CDC42BPB: variants seen among roughly 807,000 people sequenced by gnomAD.
The protein encoded by CDC42BPB is CDC42 binding protein kinase beta, also known as serine/threonine-protein kinase MRCK beta.
Under a neutral mutation model 214.9 loss-of-function variants are expected in CDC42BPB, and 37 were observed. The ratio of observed to expected loss-of-function variants is 0.17; its 90% CI spans 0.13 to 0.23. The LOEUF is 0.23. Among genes scored for constraint, CDC42BPB ranks in the 10% least tolerant of loss-of-function variants. The probability of loss-of-function intolerance (pLI) is 1.00; values close to 1 mark genes in which losing one functional copy is unlikely to be tolerated. For synonymous variants in CDC42BPB, 931 were observed against 884.0 expected (o/e 1.05, Z -0.94); for missense variants, 1,694 against 2,227.0 (o/e 0.76, Z 4.82).
chr14:102,973,777 G>A lies in CDC42BPB; in HGVS notation c.1641+239C>T, dbSNP rs2139483070. ...ATTGCGAGGTGGATAACCGCTGGGGGCAAGGGGGTGGAAGGCACCTGCCAC... is the reference window on the plus strand; with the variant it reads ...ATTGCGAGGTGGATAACCGCTGGGGACAAGGGGGTGGAAGGCACCTGCCAC... On this transcript the variant is annotated intron_variant, in intron 12 of 36. Coordinates refer to ENST00000361246, the MANE Select transcript of CDC42BPB (RefSeq NM_006035.4). Among the ~76,000 whole-genome samples the A allele has an allele frequency of 2.0e-5, 3 of 152,350 alleles. No homozygotes were observed. In the South Asian group the frequency reaches 6.2e-4, roughly 32 times the overall value.
chr14:102,945,554 T>A, intron 29 of CDC42BPB, 108 bp downstream of exon 29: 1 of 1,002,692 alleles, frequency 1.0e-6, no homozygotes, highest in Non-Finnish European at 1.5e-6. Context: ...TCCGGCGCCT[T>A]CATCAAGCGC....
chr14:102,975,350 C>A (rs34131889), intron 11 of CDC42BPB, among the ~76,000 whole-genome samples: 5,386 of 152,242 alleles, frequency 0.035, 300 homozygotes, highest in African/African-American at 0.12. Flanking sequence ...ATGGTGAAAC[C>A]CTGTCTCTAC....
rs1036373682 is a variant in CDC42BPB, at chr14:102,940,422, A to G, written c.4409-98T>C. On this transcript the variant is annotated intron_variant, in intron 30 of 36. Coordinates refer to ENST00000361246, the MANE Select transcript of CDC42BPB (RefSeq NM_006035.4). ...AGCCTTGGCACTTGAACAAGTGCAGAGGCGGCAGCACTGCCCTCAGCTGGT... is the reference window on the plus strand; with the variant it reads ...AGCCTTGGCACTTGAACAAGTGCAGGGGCGGCAGCACTGCCCTCAGCTGGT... 9 of 1,532,764 alleles carry G rather than the reference A, an allele frequency of 5.9e-6. No homozygotes were observed. In the South Asian group the frequency reaches 9.6e-5, roughly 16 times the overall value. 94.9% of individuals were successfully genotyped at this position (1,532,764 alleles called of 1,614,324 possible).
chr14:102,944,252 T>C lies in CDC42BPB; in HGVS notation c.4047A>G (p.Lys1349=), dbSNP rs1015220671. Residue 1349 remains lysine, a synonymous_variant, in exon 30 of 37, where the codon AAA becomes AAG. Transcript: ENST00000361246. The surrounding 1 kb of genome is among the most constrained non-coding windows in gnomAD (Gnocchi z 6.6). ...NSGTCLFVAV[K]RLILCYEIQR... ...GGATCTCATAGCAAAGGATCAGCCG[T>C]TTCACGGCCACAAACAGGCAGGTGC... is the stretch of plus-strand genomic sequence containing the variant. 1.2e-6 allele frequency: 2 copies of C among 1,613,266 alleles called. No homozygotes were observed. The highest frequency in any genetic ancestry group is 3.3e-5 in the Admixed American group (2 of 60,028).
chr14:102,948,859 AG>A (rs1892344254), intron 26 of CDC42BPB, among the ~76,000 whole-genome samples: 1 of 151,994 alleles, frequency 6.6e-6, no homozygotes, highest in Admixed American at 6.5e-5. Context: ...CTTCACCACC[AG>A]GCCAGGGGCA....
chr14:103,029,345 T>A (rs919117260), intron 1 of CDC42BPB, among the ~76,000 whole-genome samples: 3 of 151,776 alleles, frequency 2.0e-5, no homozygotes. Flanking sequence ...ATCGAAACCA[T>A]CCTGGCTAAC....
At chr14:103,035,712 C>T (rs1378703469) in intron 1 of CDC42BPB, among the ~76,000 whole-genome samples, 5 of 151,912 alleles carry the variant, frequency 3.3e-5, no homozygotes, top group South Asian at 2.1e-4. Context: ...TGGTGGCGGG[C>T]GCCTGTAGTC....
chr14:103,010,517 G>A (rs1439652394), intron 2 of CDC42BPB, among the ~76,000 whole-genome samples: 4 of 152,174 alleles, frequency 2.6e-5, no homozygotes, highest in Non-Finnish European at 5.9e-5. Context: ...CTTCTTTCAC[G>A]TCTGCACACT....
chr14:102,973,452 A>G (rs757265017), intron 12 of CDC42BPB, among the ~76,000 whole-genome samples: 8 of 152,276 alleles, frequency 5.3e-5, no homozygotes, highest in Non-Finnish European at 1.0e-4. Flanking sequence ...AATGAAATTT[A>G]TAAACGAATT....
chr14:102,940,601 G>C, intron 30 of CDC42BPB: 1 of 794,412 alleles, frequency 1.3e-6, no homozygotes, highest in Non-Finnish European at 1.8e-6. Flanking sequence ...CTTTTAAAAA[G>C]TCTGGTTTTT....
chr14:103,012,686 T>A (rs1040807300), intron 1 of CDC42BPB, among the ~76,000 whole-genome samples: 10 of 151,994 alleles, frequency 6.6e-5, no homozygotes, highest in African/African-American at 2.4e-4. Context: ...GTGACTGTAA[T>A]CTCAGCTACT....
At chr14:103,056,396 C>T (rs769606004) in intron 1 of CDC42BPB, among the ~76,000 whole-genome samples, 36 of 152,202 alleles carry the variant, frequency 2.4e-4, no homozygotes, top group Non-Finnish European at 4.3e-4. Flanking sequence ...CAGGCTGTCA[C>T]CCAGGAGGGG....
chr14:102,939,458 C>T (rs1419742616), intron 34 of CDC42BPB, 152 bp downstream of exon 34: 17 of 645,476 alleles, frequency 2.6e-5, no homozygotes, highest in East Asian at 2.1e-4. Flanking sequence ...AGAGCTTCAG[C>T]GGAGACGGGC....
chr14:103,004,831 C>T lies in CDC42BPB; in HGVS notation c.352-808G>A, dbSNP rs1895159052. Among the ~76,000 whole-genome samples the T allele has an allele frequency of 1.3e-5, 2 of 150,782 alleles. No individual in the cohort carries two copies. Among genetic ancestry groups the T allele is most frequent in the East Asian group, 2.0e-4 (1 of 5,090 alleles). On this transcript the variant is annotated intron_variant, in intron 3 of 36. Transcript: ENST00000361246. This position sits in a 1 kb window ranked among gnomAD's most constrained non-coding sequence, Gnocchi z 5.3. ...TTGCGGTGAGCCAAAATTGCATCACCGTACTCCAGCCTGGACGACAGAGCC... is the reference window on the plus strand; with the variant it reads ...TTGCGGTGAGCCAAAATTGCATCACTGTACTCCAGCCTGGACGACAGAGCC...
chr14:102,933,702 G>T lies in CDC42BPB; in HGVS notation c.*10C>A, dbSNP rs1470143305. The T allele has an allele frequency of 6.9e-7, 1 of 1,454,296 alleles. No individual in the cohort carries two copies. Among genetic ancestry groups the T allele is most frequent in the Non-Finnish European group, 9.0e-7 (1 of 1,116,956 alleles). The allele number at this position is 1,454,296 out of a possible 1,614,324, so 90.1% of individuals were successfully genotyped here. Reference sequence around the variant, plus strand: ...TCCAGCTCCCTGGCCCCTGTGGCGAGCTGGCGGCTTCAGGTGTCACAGGCC... The same window carrying T: ...TCCAGCTCCCTGGCCCCTGTGGCGATCTGGCGGCTTCAGGTGTCACAGGCC... On this transcript the variant is annotated 3_prime_UTR_variant, in exon 37 of 37. Transcript: ENST00000361246.
rs1892543480 is a variant in CDC42BPB at position 102,952,677 on chromosome 14, A to C, written c.3067-74T>G. On this transcript the variant is annotated intron_variant, in intron 23 of 36. Transcript: ENST00000361246. ...AGTCAGATCCATCTGCCTGTGATCC[A>C]GTTTATACACAGCTTGGGCATTATC... 1.5e-5 allele frequency: 23 copies of C among 1,559,652 alleles called. 1 individual carries two copies. In the South Asian group the frequency reaches 2.5e-4, roughly 17 times the overall value.
In CDC42BPB at chr14:102,943,847, G is replaced by A. The variant is rs1566842932; in HGVS notation, c.4408+44C>T. ...ATCGAACACATGCTGACTGTCGGTG[G>A]GAAAAGCAGCAACAGGGATATGCAA... On this transcript the variant is annotated intron_variant, in intron 30 of 36. Transcript: ENST00000361246. The surrounding 1 kb of genome is among the most constrained non-coding windows in gnomAD (Gnocchi z 4.6). 3 of 1,534,080 alleles carry A rather than the reference G, an allele frequency of 2.0e-6. No individual in the cohort carries two copies. Among genetic ancestry groups the A allele is most frequent in the Non-Finnish European group, 2.6e-6 (3 of 1,136,696 alleles).
chr14:102,976,706 AG>A (rs1463581869), intron 9 of CDC42BPB, among the ~76,000 whole-genome samples: 1 of 152,242 alleles, frequency 6.6e-6, no homozygotes, highest in African/African-American at 2.4e-5. Flanking sequence ...AGTTCCATAA[AG>A]GCACCCAGCC....
intron 1 of CDC42BPB, among the ~76,000 whole-genome samples, chr14:103,045,907 A>G (rs1368086575): frequency 6.6e-6 from 1 of 152,202 alleles, no homozygotes; most frequent in Non-Finnish European, 1.5e-5. Flanking sequence ...AAGTCCTTAA[A>G]AAATATTTGC....
Sources: gnomAD v4.1 joint callset for allele counts (sites outside exome capture counted in the v4.1 genomes callset) on GRCh38, gnomAD v4.1.1 for gene constraint, Gnocchi (gnomAD v3.1) non-coding constraint, MANE v1.5 for transcripts, NCBI Gene and HGNC (gene_info 2026-07-23, HGNC 2026-07-21) for gene names.